The following KLF9 variants were observed in gnomAD, a reference collection of about 807,000 sequenced individuals.
KLF9 encodes KLF transcription factor 9.
Under a neutral mutation model 17.3 loss-of-function variants are expected in KLF9, and 2 were observed. The ratio of observed to expected loss-of-function variants is 0.12; its 90% CI spans 0.05 to 0.36. The LOEUF (loss-of-function observed/expected upper bound fraction) is 0.36, where lower values mean the gene tolerates loss of function less well. Among genes scored for constraint, KLF9 ranks in the 10% least tolerant of loss-of-function variants. The pLI is 1.00. For missense variants in KLF9, 226 were observed against 333.2 expected (o/e 0.68, Z 2.51); for synonymous variants, 138 against 139.2 (o/e 0.99, Z 0.06).
chr9:70,389,336 A>T (rs2037137134), intron 1 of KLF9, among the ~76,000 whole-genome samples: 1 of 152,106 alleles, frequency 6.6e-6, no homozygotes. Context: ...CTTCTCACTG[A>T]ATTTTCACAA....
rs778292398 is a variant in KLF9, at chr9:70,413,329, G to C, written c.35C>G (p.Ala12Gly). 1 of 1,590,420 alleles carries C rather than the reference G, an allele frequency of 6.3e-7. No homozygotes were observed. Among genetic ancestry groups the C allele is most frequent in the Non-Finnish European group, 8.5e-7 (1 of 1,169,822 alleles). ...GTTCGAAATGGAAACCAGACACTGG[G>C]CAGCCACGAAGTCCATGTAGGCGGC... ...SAAAYMDFVA[A>G]QCLVSISNRA... Residue 12 changes from alanine to glycine, a missense_variant, in exon 1 of 2, where the codon GCC (alanine) becomes GGC (glycine). By Grantham distance (60) the Ala-to-Gly change is moderately conservative (BLOSUM62 0). Transcript: ENST00000377126. The surrounding 1 kb of genome is among the most constrained non-coding windows in gnomAD (Gnocchi z 5.6).
At chr9:70,411,003 G>A (rs778522213) in intron 1 of KLF9, among the ~76,000 whole-genome samples, 1 of 152,154 alleles carries the variant, frequency 6.6e-6, no homozygotes, top group Non-Finnish European at 1.5e-5. Context: ...ATCTCACTTC[G>A]TTTTCCACTC....
intron 1 of KLF9, among the ~76,000 whole-genome samples, chr9:70,402,986 C>A (rs1648330591): frequency 1.3e-5 from 2 of 151,848 alleles, no homozygotes; most frequent in African/African-American, 4.8e-5. Flanking sequence ...CCCATCTCTA[C>A]TAAAAATACA....
At chr9:70,394,395 CT>C (rs1174285986) in intron 1 of KLF9, among the ~76,000 whole-genome samples, 1 of 151,834 alleles carries the variant, frequency 6.6e-6, no homozygotes, top group African/African-American at 2.4e-5. Flanking sequence ...ACAACCATCC[CT>C]AATAAAAGCT....
intron 1 of KLF9, among the ~76,000 whole-genome samples, chr9:70,395,788 G>A (rs1172774531): frequency 2.0e-5 from 3 of 151,926 alleles, no homozygotes; most frequent in African/African-American, 7.3e-5. Context: ...TACTAAAAAT[G>A]CAAATATTAT....
At chr9:70,390,114 C>T (rs924372615) in intron 1 of KLF9, among the ~76,000 whole-genome samples, 1 of 152,230 alleles carries the variant, frequency 6.6e-6, no homozygotes, top group African/African-American at 2.4e-5. Flanking sequence ...TTGTGATAAT[C>T]TATTCATGAT....
At chr9:70,404,741 G>T (rs960884813) in intron 1 of KLF9, among the ~76,000 whole-genome samples, 1 of 152,064 alleles carries the variant, frequency 6.6e-6, no homozygotes, top group African/African-American at 2.4e-5. Context: ...TAATTATAAT[G>T]GTGTGCTAAA....
At chr9:70,398,905 C>T (rs1057197156) in intron 1 of KLF9, among the ~76,000 whole-genome samples, 4 of 152,198 alleles carry the variant, frequency 2.6e-5, no homozygotes, top group Admixed American at 6.5e-5. Flanking sequence ...GTGATCTTGG[C>T]TCACTGCAGC....
chr9:70,409,083 C>CAT lies in KLF9; in HGVS notation c.505+3775_505+3776insAT, dbSNP rs200313776. The stretch of plus-strand genomic sequence containing the variant: ...GTGTATATATATGTGTATATATATA[C>CAT]ACATATATGTATATATATGTGTATA... On this transcript the variant is annotated intron_variant, in intron 1 of 1. Coordinates refer to ENST00000377126, the MANE Select transcript of KLF9 (RefSeq NM_001206.4). 1.5e-3 allele frequency among the ~76,000 whole-genome samples: 94 copies of CAT among 60,978 alleles called. 2 individuals carry two copies. Among genetic ancestry groups the CAT allele is most frequent in the Middle Eastern group, 0.011 (1 of 90 alleles). 40.0% of individuals were successfully genotyped at this position (60,978 alleles called of 152,430 possible). A position where few individuals can be genotyped will look rare whatever the true frequency, so the allele number is the denominator to read the frequency against.
At position 70,414,572 on chromosome 9, in the gene KLF9, G is replaced by A. The variant is rs2037368594; in HGVS notation, c.-1209C>T. 6.6e-6 allele frequency: 1 copy of A among 152,016 alleles called. No homozygotes were observed. The highest frequency in any genetic ancestry group is 2.1e-4 in the South Asian group (1 of 4,824). The allele number at this position is 152,016 out of a possible 1,614,324, so 9.4% of individuals were successfully genotyped here. A position where few individuals can be genotyped will look rare whatever the true frequency, so the allele number is the denominator to read the frequency against. On this transcript the variant is annotated 5_prime_UTR_variant, in exon 1 of 2. Transcript: ENST00000377126. ...TTTGAGTTATGGATGAGAGGACAGG[G>A]GTGATGAATAAATGCAGTGTGAATC...
At chr9:70,409,060 GTATATATATGTGTA>G (rs2037281218) in intron 1 of KLF9, among the ~76,000 whole-genome samples, 2 of 77,994 alleles carry the variant, frequency 2.6e-5, no homozygotes, top group African/African-American at 8.1e-5. Context: ...ACATATATGT[GTATATATATGTGTA>G]TATATATACA....
At chr9:70,401,189 A>AAT (rs1554707629) in intron 1 of KLF9, among the ~76,000 whole-genome samples, 12 of 138,668 alleles carry the variant, frequency 8.7e-5, no homozygotes, top group African/African-American at 2.9e-4. Flanking sequence ...AAAAAAAAAA[A>AAT]TTTTTTAAAT....
chr9:70,407,714 T>C (rs1220758661), intron 1 of KLF9, among the ~76,000 whole-genome samples: 2 of 152,204 alleles, frequency 1.3e-5, no homozygotes, highest in Non-Finnish European at 2.9e-5. Context: ...CAGGGTCAGA[T>C]TTCTGCAGAG....
rs138949300 is a variant in KLF9 at position 70,413,285 on chromosome 9, G to A, written c.79C>T (p.His27Tyr). The change falls in exon 1 of 2, where the codon CAT becomes TAT. Residue 27 changes from histidine (H) to tyrosine (Y), a missense_variant. Transcript: ENST00000377126. The surrounding 1 kb of genome is among the most constrained non-coding windows in gnomAD (Gnocchi z 5.6). ...SISNRAAVPE[H>Y]GVAPDAERLR... ...CGCTCGGCGTCCGGAGCGACCCCAT[G>A]CTCCGGCACCGCAGCGCGGTTCGAA... The A allele has an allele frequency of 1.0e-3, 1,675 of 1,612,340 alleles. 3 individuals are homozygous for A. The highest frequency in any genetic ancestry group is 2.6e-3 in the South Asian group (238 of 91,020).
intron 1 of KLF9, among the ~76,000 whole-genome samples, chr9:70,408,029 C>T (rs1054721752): frequency 7.9e-5 from 12 of 152,238 alleles, no homozygotes; most frequent in Middle Eastern, 3.4e-3. Context: ...TTGTCGCCTT[C>T]GGAATGGGGC....
At chr9:70,408,103 G>T (rs1313194889) in intron 1 of KLF9, among the ~76,000 whole-genome samples, 1 of 152,214 alleles carries the variant, frequency 6.6e-6, no homozygotes, top group East Asian at 1.9e-4. Context: ...GCCAGGCGCA[G>T]TGGCTCACAC....
At chr9:70,397,564 T>C (rs1365674483) in intron 1 of KLF9, among the ~76,000 whole-genome samples, 1 of 152,110 alleles carries the variant, frequency 6.6e-6, no homozygotes, top group Admixed American at 6.6e-5. Flanking sequence ...TCCTACTTTT[T>C]CCATATGTGA....
At chr9:70,394,122 G>C (rs939658718) in intron 1 of KLF9, among the ~76,000 whole-genome samples, 1 of 151,612 alleles carries the variant, frequency 6.6e-6, no homozygotes, top group Non-Finnish European at 1.5e-5. Context: ...GGTAGCTCAC[G>C]CCTGTAATCC....
At chr9:70,412,104 C>T (rs941371136) in intron 1 of KLF9, among the ~76,000 whole-genome samples, 1 of 145,784 alleles carries the variant, frequency 6.9e-6, no homozygotes, top group Non-Finnish European at 1.5e-5. Flanking sequence ...ACATTCATTA[C>T]CAAGCCTTGA....
Sources: gnomAD v4.1 joint callset for allele counts (sites outside exome capture counted in the v4.1 genomes callset) on GRCh38, gnomAD v4.1.1 for gene constraint, Gnocchi (gnomAD v3.1) non-coding constraint, MANE v1.5 for transcripts, NCBI Gene and HGNC (gene_info 2026-07-23, HGNC 2026-07-21) for gene names.